CFAP69: variants seen among roughly 807,000 people sequenced by gnomAD.
CFAP69 encodes cilia and flagella associated protein 69.
In CFAP69, 92 loss-of-function variants were observed where a neutral mutation model predicts 123.0. The observed-to-expected ratio is 0.75, with a 90% confidence interval of 0.63 to 0.89. The LOEUF is 0.89. CFAP69 is among the 40% of genes least tolerant of loss of function. The pLI, the probability that CFAP69 is intolerant of heterozygous loss-of-function variation, is 0.00. For synonymous variants in CFAP69, 380 were observed against 364.3 expected (o/e 1.04, Z -0.49); for missense variants, 1,067 against 1,096.9 (o/e 0.97, Z 0.39).
intron 15 of CFAP69, among the ~76,000 whole-genome samples, chr7:90,296,520 G>A (rs1792000286): frequency 2.6e-5 from 4 of 151,942 alleles, no homozygotes; most frequent in South Asian, 2.1e-4. Context: ...TAGAGACCTC[G>A]TTTTGCCATG....
chr7:90,320,682 T>A, the CFAP69 span: 1 of 152,290 alleles, frequency 6.6e-6, no homozygotes, highest in African/African-American at 2.4e-5. Flanking sequence ...AGGACTCACC[T>A]TTCCCCCCGT....
chr7:90,312,916 A>G (rs1335678075), downstream of CFAP69: 1 of 152,236 alleles, frequency 6.6e-6, no homozygotes, highest in Non-Finnish European at 1.5e-5. Flanking sequence ...TAGCTTCAAC[A>G]ATCTCAGTAA....
intron 17 of CFAP69, chr7:90,300,280 T>C (rs1006578716): frequency 4.2e-5 from 39 of 924,132 alleles, no homozygotes; most frequent in Non-Finnish European, 4.9e-5. Context: ...AGAAATGGTA[T>C]TTAATTATAT....
intron 15 of CFAP69, among the ~76,000 whole-genome samples, chr7:90,296,003 G>A (rs17869453): frequency 0.015 from 2,223 of 152,118 alleles, 71 homozygotes; most frequent in African/African-American, 0.051. Context: ...TGTTTTATCC[G>A]CAAAGCCTTA....
chr7:90,312,827 C>G (rs1312303457), downstream of CFAP69: 1 of 152,112 alleles, frequency 6.6e-6, no homozygotes, highest in Non-Finnish European at 1.5e-5. Flanking sequence ...AGCTTTCAAA[C>G]TGAAACTTTT....
At chr7:90,323,668 C>A in the CFAP69 span, among the ~76,000 whole-genome samples, 1 of 152,034 alleles carries the variant, frequency 6.6e-6, no homozygotes, top group South Asian at 2.1e-4. Context: ...TTATAAGATT[C>A]AAGTCAACAA....
At chr7:90,319,106 A>C in the CFAP69 span, 2 of 340,298 alleles carry the variant, frequency 5.9e-6, no homozygotes, top group African/African-American at 2.1e-5. Context: ...TGGGCAAACA[A>C]GGATAATTTT....
the CFAP69 span, chr7:90,321,049 C>G: frequency 0.53 from 79,894 of 152,072 alleles, 21,601 homozygotes; most frequent in Middle Eastern, 0.6. Context: ...CTCCTGCCCA[C>G]GAGGAACCAG....
intron 1 of CFAP69, 69 bp downstream of exon 1, chr7:90,245,613 C>A: frequency 7.0e-7 from 1 of 1,421,318 alleles, no homozygotes; most frequent in Non-Finnish European, 9.2e-7. Flanking sequence ...GGGGTCCAGA[C>A]CTGGGGGTGG....
In CFAP69 at chr7:90,274,041, C is replaced by T; in HGVS notation, c.915C>T (p.Asp305=). The change falls in exon 9 of 23, where the codon GAC becomes GAT. Residue 305 remains aspartate (D), a synonymous_variant. Coordinates refer to ENST00000389297, the MANE Select transcript of CFAP69 (RefSeq NM_001039706.3). The part of the protein sequence containing the change: ...NLFMRGFSHY[D]RQLRNDILVI... ...TTATGAGAGGTTTCAGTCATTATGA[C>T]CGTCAGCTTAGAAATGACATATTAG... The T allele has an allele frequency of 6.2e-7, 1 of 1,605,784 alleles. No homozygotes were observed. The highest frequency in any genetic ancestry group is 8.5e-7 in the Non-Finnish European group (1 of 1,176,534).
At chr7:90,308,876 T>C (rs945871549) in intron 21 of CFAP69, among the ~76,000 whole-genome samples, 3 of 152,162 alleles carry the variant, frequency 2.0e-5, no homozygotes, top group Admixed American at 6.5e-5. Context: ...AACATTTAAG[T>C]GTACTTAATC....
chr7:90,323,453 T>TA, the CFAP69 span, among the ~76,000 whole-genome samples: 1 of 152,124 alleles, frequency 6.6e-6, no homozygotes, highest in Non-Finnish European at 1.5e-5. Context: ...GTATCTACAG[T>TA]AAAAAGTGAG....
At position 90,293,971 on chromosome 7, in the gene CFAP69, C is replaced by T. The variant is rs147730722; in HGVS notation, c.1776-3778C>T. ...AAACTCCCTTTCACTAATCCTTTCACGACTTACATAGACTATGACATGCTT... is the reference window on the plus strand; with the variant it reads ...AAACTCCCTTTCACTAATCCTTTCATGACTTACATAGACTATGACATGCTT... On this transcript the variant is annotated intron_variant, in intron 15 of 22. Coordinates refer to ENST00000389297, the MANE Select transcript of CFAP69 (RefSeq NM_001039706.3). Among the ~76,000 whole-genome samples, 1,022 of 152,312 alleles carry T rather than the reference C, an allele frequency of 6.7e-3. 11 individuals are homozygous for T. Among genetic ancestry groups the T allele is most frequent in the African/African-American group, 0.022 (912 of 41,562 alleles).
intron 2 of CFAP69, among the ~76,000 whole-genome samples, chr7:90,257,508 C>A (rs1797791090): frequency 6.6e-6 from 1 of 152,044 alleles, no homozygotes; most frequent in Non-Finnish European, 1.5e-5. Context: ...CTTTAGTCAC[C>A]CTACTTTGCT....
chr7:90,276,651 T>C (rs990308839), intron 9 of CFAP69, among the ~76,000 whole-genome samples: 2 of 152,114 alleles, frequency 1.3e-5, no homozygotes, highest in Non-Finnish European at 1.5e-5. Flanking sequence ...ACAAGAATGG[T>C]TGGGGTAGAA....
chr7:90,279,328 C>G (rs1037198210), intron 11 of CFAP69, among the ~76,000 whole-genome samples: 1 of 151,928 alleles, frequency 6.6e-6, no homozygotes, highest in Admixed American at 6.6e-5. Flanking sequence ...TTTTATTGTA[C>G]GTTAAAGTAA....
chr7:90,317,817 C>G, the CFAP69 span: 1 of 151,998 alleles, frequency 6.6e-6, no homozygotes, highest in Non-Finnish European at 1.5e-5. Context: ...GATTTTAAAA[C>G]TTTTTATATT....
At chr7:90,270,321 T>C (rs1799771294) in intron 6 of CFAP69, 1 of 152,136 alleles carries the variant, frequency 6.6e-6, no homozygotes, top group Admixed American at 6.5e-5. Flanking sequence ...CACATAAAAA[T>C]CATTATTTTA....
chr7:90,260,941 AC>A (rs1798238270), intron 3 of CFAP69, among the ~76,000 whole-genome samples: 1 of 152,148 alleles, frequency 6.6e-6, no homozygotes, highest in African/African-American at 2.4e-5. Flanking sequence ...TTTCCAGTGT[AC>A]CCTGCTCTCC....
Sources: allele counts gnomAD v4.1 joint callset (sites outside exome capture counted in the v4.1 genomes callset), GRCh38; gene constraint gnomAD v4.1.1; transcripts MANE v1.5; gene names NCBI Gene and HGNC (gene_info 2026-07-23, HGNC 2026-07-21).